DPP6: variants seen among roughly 807,000 people sequenced by gnomAD.
DPP6 encodes dipeptidyl peptidase like 6, also known as A-type potassium channel modulatory protein DPP6.
A neutral mutation model predicts 122.6 loss-of-function variants in DPP6; 69 were observed. The ratio of observed to expected loss-of-function variants is 0.56; its 90% confidence interval spans 0.46 to 0.69. The LOEUF (loss-of-function observed/expected upper bound fraction) is 0.69. Among genes scored for constraint, DPP6 ranks in the 30% least tolerant of loss-of-function variants. DPP6 has a pLI of 0.00. For missense variants in DPP6, 928 were observed against 1,116.9 expected (o/e 0.83, Z 2.41); for synonymous variants, 418 against 433.1 (o/e 0.97, Z 0.43).
chr7:154,787,689 T>C (rs1797419128), intron 10 of DPP6, among the ~76,000 whole-genome samples: 1 of 152,190 alleles, frequency 6.6e-6, no homozygotes, highest in Non-Finnish European at 1.5e-5. Flanking sequence ...GTATTTACCA[T>C]GTGTGAAGCC....
chr7:154,853,611 T>A (rs975828024), intron 16 of DPP6, among the ~76,000 whole-genome samples, 169 bp from the exon 17 acceptor site: 1 of 152,242 alleles, frequency 6.6e-6, no homozygotes, highest in Non-Finnish European at 1.5e-5. Context: ...TTGGCCCCCC[T>A]GCCGGCCTGG....
chr7:154,053,408 C>T (rs1345512815), intron 1 of DPP6, among the ~76,000 whole-genome samples: 2 of 151,984 alleles, frequency 1.3e-5, no homozygotes, highest in East Asian at 1.9e-4. Context: ...GGAGAGAATT[C>T]GATCGGCCTG....
intron 21 of DPP6, 25 bp from the exon 22 acceptor site, chr7:154,885,608 T>C (rs1167937234): frequency 4.5e-6 from 7 of 1,554,108 alleles, no homozygotes; most frequent in East Asian, 2.4e-5. Flanking sequence ...GACTCCTAAC[T>C]GTCTTCTCTC....
chr7:154,294,787 C>T (rs113799233), intron 1 of DPP6, among the ~76,000 whole-genome samples: 1,577 of 152,290 alleles, frequency 0.01, 17 homozygotes, highest in Non-Finnish European at 0.015. Flanking sequence ...CTGAAGACAG[C>T]ACGGCAGTGG....
chr7:154,883,452 T>C (rs1229964788), intron 21 of DPP6: 2 of 118,326 alleles, frequency 1.7e-5, no homozygotes, highest in East Asian at 2.8e-4. Context: ...ACACACATGC[T>C]CACCCATACA....
chr7:154,439,111 G>T (rs1006656639), intron 1 of DPP6, among the ~76,000 whole-genome samples: 2 of 152,194 alleles, frequency 1.3e-5, no homozygotes, highest in African/African-American at 4.8e-5. Flanking sequence ...TCTTGCCTTT[G>T]AGGCTAGTTT....
intron 8 of DPP6, among the ~76,000 whole-genome samples, chr7:154,767,063 T>G (rs1795950474): frequency 6.6e-6 from 1 of 151,840 alleles, no homozygotes; most frequent in South Asian, 2.1e-4. Context: ...TCTTCGGGGG[T>G]TTTGTTGTTA....
intron 1 of DPP6, among the ~76,000 whole-genome samples, chr7:154,196,315 C>A (rs1359636941): frequency 6.6e-6 from 1 of 152,224 alleles, no homozygotes; most frequent in African/African-American, 2.4e-5. Flanking sequence ...CATGGTGAAA[C>A]CCTGTCTCTA....
chr7:154,305,861 T>C (rs910788793), intron 1 of DPP6, among the ~76,000 whole-genome samples: 22 of 152,188 alleles, frequency 1.4e-4, no homozygotes, highest in African/African-American at 5.3e-4. Context: ...GAAACACCTC[T>C]GGACAAAGGC....
chr7:153,769,101 T>C, the DPP6 span, among the ~76,000 whole-genome samples: 1 of 152,194 alleles, frequency 6.6e-6, no homozygotes, highest in Non-Finnish European at 1.5e-5. Context: ...AGATCATTGA[T>C]TTTCATAGGT....
intron 1 of DPP6, among the ~76,000 whole-genome samples, chr7:154,262,670 A>G (rs1276690293): frequency 8.6e-6 from 1 of 116,550 alleles, no homozygotes; most frequent in South Asian, 2.7e-4. Context: ...AAAAAAAAAA[A>G]AAGACTAGAG....
rs540199572 is a variant in DPP6 at position 154,820,217 on chromosome 7, G to C, written c.1666+13105G>C. 7.2e-5 allele frequency among the ~76,000 whole-genome samples: 11 copies of C among 152,332 alleles called. No individual in the cohort carries two copies. In the South Asian group the frequency reaches 2.1e-3, roughly 29 times the overall value. ...ACTGCAGCACACGGGACACGCGAAA[G>C]GGAGGCCTCAGACCGAGCGCCTGGG... On this transcript the variant is annotated intron_variant, in intron 16 of 25. Transcript: ENST00000377770.
At chr7:153,818,363 T>G in the DPP6 span, among the ~76,000 whole-genome samples, 1 of 152,160 alleles carries the variant, frequency 6.6e-6, no homozygotes, top group Non-Finnish European at 1.5e-5. Flanking sequence ...GATATAGAAT[T>G]CATTTACATA....
intron 1 of DPP6, among the ~76,000 whole-genome samples, chr7:153,906,180 G>T (rs993139079): frequency 9.2e-5 from 14 of 152,168 alleles, no homozygotes; most frequent in African/African-American, 3.4e-4. Flanking sequence ...GTGCTTAAGA[G>T]CTAAGCATTC....
intron 1 of DPP6, among the ~76,000 whole-genome samples, chr7:153,997,885 G>T (rs1797519854): frequency 6.6e-6 from 1 of 151,624 alleles, no homozygotes; most frequent in Non-Finnish European, 1.5e-5. Context: ...GCTGAGGAGT[G>T]CTAAGGAGAA....
At chr7:153,980,525 G>GT (rs1158552574) in intron 1 of DPP6, among the ~76,000 whole-genome samples, 11 of 152,076 alleles carry the variant, frequency 7.2e-5, no homozygotes, top group African/African-American at 2.4e-4. Context: ...TTTTTGAAGG[G>GT]TTTTTTGTGT....
intron 16 of DPP6, among the ~76,000 whole-genome samples, chr7:154,842,553 AT>A (rs1394812271): frequency 6.6e-6 from 1 of 152,114 alleles, no homozygotes; most frequent in African/African-American, 2.4e-5. Flanking sequence ...CTGTTGTGTA[AT>A]TCAAAGCTTT....
intron 1 of DPP6, among the ~76,000 whole-genome samples, chr7:154,310,540 CT>C (rs1481038912): frequency 6.6e-6 from 1 of 152,150 alleles, no homozygotes; most frequent in Non-Finnish European, 1.5e-5. Context: ...TTTTAAAATG[CT>C]TTCTCTGTGC....
intron 1 of DPP6, among the ~76,000 whole-genome samples, chr7:154,077,757 G>A (rs1464036658): frequency 4.6e-5 from 7 of 150,938 alleles, no homozygotes; most frequent in African/African-American, 9.7e-5. Context: ...TGCAACCTCC[G>A]CCTCCCGGGT....
Sources: allele counts gnomAD v4.1 joint callset (sites outside exome capture counted in the v4.1 genomes callset), GRCh38; gene constraint gnomAD v4.1.1; transcripts MANE v1.5; gene names NCBI Gene and HGNC (gene_info 2026-07-23, HGNC 2026-07-21).